The following SNX13 variants were observed in gnomAD, a reference collection of about 807,000 sequenced individuals.
The protein encoded by SNX13 is sorting nexin 13.
A neutral mutation model predicts 133.6 loss-of-function variants in SNX13; 45 were observed. The observed-to-expected ratio is 0.34, with a 90% CI of 0.27 to 0.43. SNX13 has a LOEUF of 0.43. Among genes scored for constraint, SNX13 ranks in the 20% least tolerant of loss-of-function variants. SNX13 has a pLI of 1.00. For synonymous variants in SNX13, 414 were observed against 373.9 expected (o/e 1.11, Z -1.24); for missense variants, 1,032 against 1,145.1 (o/e 0.90, Z 1.43).
chr7:17,796,543 C>G (rs1784074614), intron 25 of SNX13: 1 of 274,408 alleles, frequency 3.6e-6, no homozygotes, highest in Non-Finnish European at 6.9e-6. Context: ...GTCAGAATAC[C>G]AACTGTTGCT....
intron 20 of SNX13, 113 bp from the exon 21 acceptor site, chr7:17,803,693 G>A: frequency 5.4e-6 from 5 of 930,554 alleles, no homozygotes; most frequent in Non-Finnish European, 7.8e-6. Flanking sequence ...TAATTTTCTG[G>A]TCTATATTAT....
chr7:17,926,607 C>T (rs1459435027), intron 1 of SNX13, among the ~76,000 whole-genome samples: 1 of 152,082 alleles, frequency 6.6e-6, no homozygotes, highest in Non-Finnish European at 1.5e-5. Context: ...TACTCCAGAC[C>T]AGGCACAGTG....
chr7:17,798,182 A>G (rs571725609), intron 24 of SNX13, among the ~76,000 whole-genome samples: 38 of 152,024 alleles, frequency 2.5e-4, no homozygotes, highest in African/African-American at 8.9e-4. Context: ...GCTGAGTGCT[A>G]GGCACAGAGG....
At chr7:17,804,296 G>A (rs1193328274) in intron 20 of SNX13, among the ~76,000 whole-genome samples, 1 of 152,104 alleles carries the variant, frequency 6.6e-6, no homozygotes, top group Non-Finnish European at 1.5e-5. Context: ...CAACAGTTAG[G>A]TATTTTGAGT....
At chr7:17,878,283 A>G (rs1033282710) in intron 5 of SNX13, among the ~76,000 whole-genome samples, 6 of 152,166 alleles carry the variant, frequency 3.9e-5, no homozygotes, top group South Asian at 2.1e-4. Flanking sequence ...CCGACACTTG[A>G]GCTTTATTAT....
chr7:17,904,142 C>T (rs1218259312), intron 1 of SNX13, among the ~76,000 whole-genome samples: 5 of 152,182 alleles, frequency 3.3e-5, no homozygotes, highest in African/African-American at 9.7e-5. Flanking sequence ...GGCGTACTGA[C>T]ATTTATCTCA....
chr7:17,867,749 A>G (rs1272109856), intron 9 of SNX13, among the ~76,000 whole-genome samples: 4 of 152,184 alleles, frequency 2.6e-5, no homozygotes, highest in African/African-American at 9.6e-5. Flanking sequence ...TAGAGTAGAA[A>G]TCCCAGATTT....
At chr7:17,844,987 C>CAAAGATTAAGATCAGGAACAA (rs1293881500) in intron 12 of SNX13, among the ~76,000 whole-genome samples, 1 of 151,904 alleles carries the variant, frequency 6.6e-6, no homozygotes, top group African/African-American at 2.4e-5. Context: ...AGGAACAAGA[C>CAAAGATTAAGATCAGGAACAA]AAAGATTAAG....
chr7:17,878,502 G>A (rs1191532966), intron 5 of SNX13, among the ~76,000 whole-genome samples: 2 of 152,034 alleles, frequency 1.3e-5, no homozygotes, highest in Non-Finnish European at 2.9e-5. Flanking sequence ...AAGCACAAAA[G>A]CAAAACAAAA....
intron 9 of SNX13, among the ~76,000 whole-genome samples, chr7:17,860,487 C>T (rs1426255516): frequency 6.6e-6 from 1 of 152,126 alleles, no homozygotes; most frequent in Non-Finnish European, 1.5e-5. Context: ...GTCTGATACA[C>T]TCCCACTCTC....
At chr7:17,906,459 T>C (rs1289736612) in intron 1 of SNX13, among the ~76,000 whole-genome samples, 1 of 152,012 alleles carries the variant, frequency 6.6e-6, no homozygotes, top group Non-Finnish European at 1.5e-5. Flanking sequence ...AAAAAAACCA[T>C]TTGATCAAAA....
chr7:17,857,218 G>A (rs183153197), intron 9 of SNX13, among the ~76,000 whole-genome samples: 101 of 152,252 alleles, frequency 6.6e-4, no homozygotes, highest in African/African-American at 1.9e-3. Context: ...GTCCAGTAAC[G>A]AGTAATAAGA....
At chr7:17,928,310 T>C (rs958068682) in intron 1 of SNX13, among the ~76,000 whole-genome samples, 1 of 152,122 alleles carries the variant, frequency 6.6e-6, no homozygotes, top group Non-Finnish European at 1.5e-5. Flanking sequence ...GCCTGGGCAA[T>C]ATAGCAAGAC....
intron 15 of SNX13, chr7:17,831,725 C>T (rs1252872177): frequency 1.0e-6 from 1 of 983,694 alleles, no homozygotes; most frequent in Non-Finnish European, 1.2e-6. Flanking sequence ...TTCAGAATAT[C>T]TAAAAAATGC....
At chr7:17,849,220 T>C (rs1384555257) in intron 11 of SNX13, among the ~76,000 whole-genome samples, 1 of 152,172 alleles carries the variant, frequency 6.6e-6, no homozygotes, top group African/African-American at 2.4e-5. Flanking sequence ...TGTTACCCAA[T>C]TCAGTAAACA....
chr7:17,831,364 G>A, intron 15 of SNX13: 4 of 840,512 alleles, frequency 4.8e-6, no homozygotes, highest in Non-Finnish European at 5.7e-6. Flanking sequence ...CTATGAGACT[G>A]TTTTAATAAA....
intron 1 of SNX13, among the ~76,000 whole-genome samples, chr7:17,935,062 C>T (rs945804178): frequency 6.6e-6 from 1 of 152,168 alleles, no homozygotes; most frequent in African/African-American, 2.4e-5. Context: ...GAAAGGATAT[C>T]TGCACTCCCA....
chr7:17,836,598 T>C (rs1479644663), intron 13 of SNX13, among the ~76,000 whole-genome samples: 1 of 152,104 alleles, frequency 6.6e-6, no homozygotes, highest in Non-Finnish European at 1.5e-5. Flanking sequence ...CCCAAAATTA[T>C]CTCTTAATGT....
chr7:17,851,605 G>T (rs558589266), intron 9 of SNX13, among the ~76,000 whole-genome samples: 1 of 151,016 alleles, frequency 6.6e-6, no homozygotes, highest in East Asian at 1.9e-4. Context: ...AGACATGGCC[G>T]TGAAATAAAG....
Sources: allele counts gnomAD v4.1 joint callset (sites outside exome capture counted in the v4.1 genomes callset), GRCh38; gene constraint gnomAD v4.1.1; transcripts MANE v1.5; gene names NCBI Gene and HGNC (gene_info 2026-07-23, HGNC 2026-07-21).